APBA1: variants seen among roughly 807,000 people sequenced by gnomAD.
APBA1 encodes the protein amyloid beta precursor protein binding family A member 1.
A neutral mutation model predicts 86.6 loss-of-function variants in APBA1; 55 were observed. The ratio of observed to expected loss-of-function variants is 0.64; its 90% CI spans 0.51 to 0.80. The LOEUF (loss-of-function observed/expected upper bound fraction) is 0.80. Among genes scored for constraint, APBA1 ranks in the 30% least tolerant of loss-of-function variants. The probability of loss-of-function intolerance (pLI) is 0.00; values close to 1 mark genes in which losing one functional copy is unlikely to be tolerated. For missense variants in APBA1, 1,090 were observed against 1,183.0 expected (o/e 0.92, Z 1.15); for synonymous variants, 511 against 493.9 (o/e 1.03, Z -0.46).
At chr9:69,442,405 G>A (rs1458518271) in intron 10 of APBA1, among the ~76,000 whole-genome samples, 1 of 151,874 alleles carries the variant, frequency 6.6e-6, no homozygotes, top group Admixed American at 6.6e-5. Context: ...CATCTATAAG[G>A]CCAGCTGCCT....
chr9:69,468,771 G>A (rs190386946), intron 4 of APBA1, among the ~76,000 whole-genome samples: 91 of 152,282 alleles, frequency 6.0e-4, no homozygotes, highest in South Asian at 3.7e-3. Flanking sequence ...ACCCTAACTC[G>A]AAATTAAAAC....
chr9:69,550,620 G>A (rs906036351), intron 1 of APBA1, among the ~76,000 whole-genome samples: 1 of 152,234 alleles, frequency 6.6e-6, no homozygotes, highest in African/African-American at 2.4e-5. Context: ...GGGATATAAA[G>A]TGAATAAAAT....
At chr9:69,629,741 G>C (rs1823001801) in intron 1 of APBA1, among the ~76,000 whole-genome samples, 1 of 152,112 alleles carries the variant, frequency 6.6e-6, no homozygotes, top group African/African-American at 2.4e-5. Flanking sequence ...CTAGTGCTGG[G>C]GTTACCCCAG....
At chr9:69,648,598 C>A (rs752952836) in intron 1 of APBA1, among the ~76,000 whole-genome samples, 3 of 152,128 alleles carry the variant, frequency 2.0e-5, no homozygotes, top group Non-Finnish European at 2.9e-5. Flanking sequence ...ACAGACCACC[C>A]AGCTATTATA....
chr9:69,518,721 G>C (rs1386264228), intron 1 of APBA1, among the ~76,000 whole-genome samples: 1 of 151,992 alleles, frequency 6.6e-6, no homozygotes, highest in Non-Finnish European at 1.5e-5. Flanking sequence ...TGGACACAAT[G>C]GATGGGAAGT....
At chr9:69,579,728 G>A (rs149474444) in intron 1 of APBA1, among the ~76,000 whole-genome samples, 2 of 152,318 alleles carry the variant, frequency 1.3e-5, no homozygotes, top group African/African-American at 4.8e-5. Flanking sequence ...CATGTTGCCG[G>A]ATTCCTGTAA....
intron 1 of APBA1, among the ~76,000 whole-genome samples, chr9:69,589,771 G>A (rs1822092225): frequency 6.6e-6 from 1 of 152,022 alleles, no homozygotes; most frequent in Non-Finnish European, 1.5e-5. Flanking sequence ...ATTTAAACTG[G>A]GATTGGCTTT....
rs192403938 is a variant in APBA1, at chr9:69,626,930, C to T, written c.-70+45223G>A. Among the ~76,000 whole-genome samples the T allele has an allele frequency of 3.6e-4, 55 of 151,892 alleles. No homozygotes were observed. The East Asian group carries it at 7.5e-3, about 21-fold the overall frequency. On this transcript the variant is annotated intron_variant, in intron 1 of 12. Transcript: ENST00000265381. ...AAAAAAAAAAAACTTGGACAATTTC[C>T]GAGTTATTATTTTAAATAATACCTT... is the stretch of plus-strand genomic sequence containing the variant.
intron 2 of APBA1, among the ~76,000 whole-genome samples, chr9:69,486,760 C>A (rs1214133327): frequency 2.0e-5 from 3 of 151,962 alleles, no homozygotes; most frequent in Admixed American, 6.6e-5. Flanking sequence ...CGGAGCCGGG[C>A]TGGGACTAGC....
intron 1 of APBA1, among the ~76,000 whole-genome samples, chr9:69,552,347 T>C (rs937196721): frequency 1.3e-5 from 2 of 152,210 alleles, no homozygotes; most frequent in Non-Finnish European, 2.9e-5. Context: ...ACAGAGCGAA[T>C]GGAGAGTAAT....
At chr9:69,564,551 A>G (rs1024473808) in intron 1 of APBA1, among the ~76,000 whole-genome samples, 1 of 152,218 alleles carries the variant, frequency 6.6e-6, no homozygotes, top group Non-Finnish European at 1.5e-5. Flanking sequence ...CAATTTTTAA[A>G]TAAATCTAGT....
At chr9:69,495,592 C>A (rs1835781523) in intron 2 of APBA1, among the ~76,000 whole-genome samples, 1 of 152,096 alleles carries the variant, frequency 6.6e-6, no homozygotes, top group South Asian at 2.1e-4. Context: ...TCCAGGCAGT[C>A]ATGCGTCACT....
In APBA1 at chr9:69,585,540, T is replaced by G. The variant is rs372309713; in HGVS notation, c.-69-68261A>C. On this transcript the variant is annotated intron_variant, in intron 1 of 12. Coordinates refer to ENST00000265381, the MANE Select transcript of APBA1 (RefSeq NM_001163.4). ...AGTCCCAGCTTCTGCATCTCTCCCT[T>G]GGCCCAGGGGTACCATCTGACTCCA... Among the ~76,000 whole-genome samples the G allele has an allele frequency of 4.9e-3, 740 of 152,300 alleles. 1 individual carries two copies. Among genetic ancestry groups the G allele is most frequent in the Non-Finnish European group, 7.7e-3 (524 of 68,026 alleles).
In APBA1 at chr9:69,489,752, A is replaced by G. The variant is rs553472604; in HGVS notation, c.1201-13609T>C. Among the ~76,000 whole-genome samples the G allele has an allele frequency of 5.3e-5, 8 of 152,258 alleles. No individual in the cohort carries two copies. In the East Asian group the frequency reaches 1.5e-3, roughly 29 times the overall value. ...CTCACCATCACTGGCCATCAGAGAA[A>G]TGCAAATCAAAACCACAATGAGATA... On this transcript the variant is annotated intron_variant, in intron 2 of 12. Transcript: ENST00000265381.
intron 1 of APBA1, among the ~76,000 whole-genome samples, chr9:69,595,880 G>T (rs184452718): frequency 4.0e-4 from 61 of 152,260 alleles, no homozygotes; most frequent in Admixed American, 2.0e-3. Context: ...AGCAATTCAC[G>T]ATCAGTGATG....
chr9:69,589,699 T>C (rs1822090257), intron 1 of APBA1, among the ~76,000 whole-genome samples: 1 of 152,140 alleles, frequency 6.6e-6, no homozygotes, highest in East Asian at 1.9e-4. Context: ...CAGTTAGCTT[T>C]CAAAACAAGC....
chr9:69,631,120 T>A (rs191795263), intron 1 of APBA1, among the ~76,000 whole-genome samples: 50 of 152,358 alleles, frequency 3.3e-4, no homozygotes, highest in African/African-American at 1.1e-3. Flanking sequence ...TGGTAGATGC[T>A]ACTCTGCTGT....
At chr9:69,534,733 T>C (rs550959982) in intron 1 of APBA1, among the ~76,000 whole-genome samples, 27 of 152,308 alleles carry the variant, frequency 1.8e-4, no homozygotes, top group African/African-American at 6.0e-4. Flanking sequence ...CCCTTTTCAC[T>C]GTTTCTGTTT....
intron 1 of APBA1, among the ~76,000 whole-genome samples, chr9:69,558,853 A>G (rs974346646): frequency 2.0e-5 from 3 of 152,102 alleles, no homozygotes; most frequent in Non-Finnish European, 4.4e-5. Context: ...TTCCTGCATT[A>G]GTTTGCAAGA....
Sources: gnomAD v4.1 joint callset for allele counts (sites outside exome capture counted in the v4.1 genomes callset) on GRCh38, gnomAD v4.1.1 for gene constraint, MANE v1.5 for transcripts, NCBI Gene and HGNC (gene_info 2026-07-23, HGNC 2026-07-21) for gene names.